The following PRKRA variants were observed in gnomAD, a reference collection of about 807,000 sequenced individuals.
The protein encoded by PRKRA is interferon-inducible double-stranded RNA-dependent protein kinase activator A.
In PRKRA, 22 loss-of-function variants were observed where a neutral mutation model predicts 32.4. The observed-to-expected ratio is 0.68, with a 90% confidence interval of 0.49 to 0.97. PRKRA has a LOEUF of 0.97. Ranked by LOEUF, PRKRA falls within the 50% of genes least tolerant of loss-of-function variation. The pLI is 0.00. For synonymous variants in PRKRA, 139 were observed against 129.8 expected, an observed-to-expected ratio of 1.07 and a Z score of -0.48; for missense variants, 319 against 375.6, an observed-to-expected ratio of 0.85 and a Z score of 1.25.
rs1697617651 is a variant in PRKRA, at chr2:178,451,101, G to A, written c.-71C>T. On this transcript the variant is annotated 5_prime_UTR_variant, in exon 1 of 8. Transcript: ENST00000325748. ...CGACGTGCTCGCTCCCCGGGTCGCT[G>A]GTCCCCGGGAGGAGCTCCAGCGCCG... The A allele has an allele frequency of 2.7e-6, 4 of 1,499,400 alleles. No homozygotes were observed. The highest frequency in any genetic ancestry group is 3.6e-6 in the Non-Finnish European group (4 of 1,122,184). The allele number at this position is 1,499,400 out of a possible 1,614,324, so 92.9% of individuals were successfully genotyped here.
At position 178,441,765 on chromosome 2, in the gene PRKRA, C is replaced by G. The variant is rs964955401; in HGVS notation, c.515-61G>C. 78 of 1,346,214 alleles carry G rather than the reference C, an allele frequency of 5.8e-5. 1 individual carries two copies. Among genetic ancestry groups the G allele is most frequent in the Non-Finnish European group, 7.8e-5 (73 of 936,938 alleles). 83.4% of individuals were successfully genotyped at this position (1,346,214 alleles called of 1,614,324 possible). ...GAAATTAGTGTCCACAGAGGATGATCAAACGTATGAAGTACTGTGTTTAAT... is the reference window on the plus strand; with the variant it reads ...GAAATTAGTGTCCACAGAGGATGATGAAACGTATGAAGTACTGTGTTTAAT... On this transcript the variant is annotated intron_variant, in intron 5 of 7. Transcript: ENST00000325748.
chr2:178,432,813 T>A (rs1477944962), intron 7 of PRKRA, among the ~76,000 whole-genome samples: 2 of 152,244 alleles, frequency 1.3e-5, no homozygotes, highest in African/African-American at 4.8e-5. Context: ...ATTTATGCTG[T>A]TGTCCATTCA....
chr2:178,436,013 A>G (rs781683508), intron 7 of PRKRA, 132 bp downstream of exon 7: 1 of 768,750 alleles, frequency 1.3e-6, no homozygotes, highest in Non-Finnish European at 2.1e-6. Flanking sequence ...CCTAGTAATT[A>G]TATATACTTA....
At chr2:178,433,514 C>G (rs1696754912) in intron 7 of PRKRA, 2 of 152,144 alleles carry the variant, frequency 1.3e-5, no homozygotes, top group Admixed American at 6.5e-5. Flanking sequence ...CCAACACTTG[C>G]TATTTTCCAT....
At chr2:178,440,422 G>C (rs1424434909) in intron 6 of PRKRA, among the ~76,000 whole-genome samples, 1 of 152,118 alleles carries the variant, frequency 6.6e-6, no homozygotes, top group Non-Finnish European at 1.5e-5. Context: ...TATATATCAT[G>C]TGTAGGCCAA....
intron 7 of PRKRA, chr2:178,433,962 T>C (rs1203315092): frequency 1.3e-5 from 2 of 152,190 alleles, no homozygotes. Context: ...AATCTAAAAA[T>C]TTATCTTGGG....
chr2:178,438,481 C>T (rs1696990404), intron 6 of PRKRA, among the ~76,000 whole-genome samples: 1 of 152,172 alleles, frequency 6.6e-6, no homozygotes, highest in Non-Finnish European at 1.5e-5. Flanking sequence ...CGCCTGGATT[C>T]TCTATTCGCT....
At chr2:178,448,085 T>C (rs1272051071) in intron 2 of PRKRA, among the ~76,000 whole-genome samples, 1 of 152,230 alleles carries the variant, frequency 6.6e-6, no homozygotes, top group Non-Finnish European at 1.5e-5. Context: ...ATCAAACTGC[T>C]TTGCTAGGCT....
rs549677714 is a variant in PRKRA at position 178,450,363 on chromosome 2, T to C, written c.114A>G (p.Val38=). ...TGGTCTTCATGCCGTATTCGTGTAA[T>C]ACCTGAATCGGTGTTTTCCCTGGCT... is the stretch of plus-strand genomic sequence containing the variant. ...TAKPGKTPIQ[V]LHEYGMKTKN... The change falls in exon 2 of 8, where the codon GTA becomes GTG. Residue 38 remains valine, a synonymous_variant. Transcript: ENST00000325748. 21 of 1,614,284 alleles carry C rather than the reference T, an allele frequency of 1.3e-5. No individual in the cohort carries two copies. In the East Asian group the frequency reaches 1.8e-4, roughly 14 times the overall value.
Position 178,436,254 on chromosome 2 carries a change from C to T in PRKRA, c.675G>A (p.Lys225=). 6.2e-7 allele frequency: 1 copy of T among 1,613,762 alleles called. No individual in the cohort carries two copies. The highest frequency in any genetic ancestry group is 8.5e-7 in the Non-Finnish European group (1 of 1,179,732). The stretch of plus-strand genomic sequence containing the variant: ...GGAGGCTTCTTTTCAGTAAGTTGAT[C>T]TTTTCACCAGGAGAATTCCTCAAGG... ...WHSLRNSPGE[K]INLLKRSLLS... The change falls in exon 7 of 8, where the codon AAG becomes AAA. Residue 225 remains lysine (K), a synonymous_variant. Coordinates refer to ENST00000325748, the MANE Select transcript of PRKRA (RefSeq NM_003690.5).
At chr2:178,435,898 AG>A (rs1696872522) in intron 7 of PRKRA, among the ~76,000 whole-genome samples, 2 of 152,238 alleles carry the variant, frequency 1.3e-5, no homozygotes, top group Non-Finnish European at 2.9e-5. Flanking sequence ...TCTGGCACAC[AG>A]TAAAACTCTA....
chr2:178,437,056 T>G (rs1173075652), intron 6 of PRKRA, among the ~76,000 whole-genome samples: 2 of 152,286 alleles, frequency 1.3e-5, no homozygotes, highest in East Asian at 3.9e-4. Flanking sequence ...CTGAAGTAAG[T>G]AGGGTTACTA....
At chr2:178,442,074 A>G (rs576128200) in intron 5 of PRKRA, among the ~76,000 whole-genome samples, 1 of 152,000 alleles carries the variant, frequency 6.6e-6, no homozygotes, top group East Asian at 1.9e-4. Context: ...TAGTACAGAC[A>G]GGGTTTTGCC....
intron 5 of PRKRA, among the ~76,000 whole-genome samples, chr2:178,442,052 A>G (rs1575094295): frequency 6.6e-6 from 1 of 151,838 alleles, no homozygotes; most frequent in Admixed American, 6.6e-5. Context: ...CACCTGGCTG[A>G]TTTTTTGTAT....
At chr2:178,447,451 C>CT in intron 3 of PRKRA, 54 bp downstream of exon 3, 5 of 1,307,368 alleles carry the variant, frequency 3.8e-6, no homozygotes, top group Non-Finnish European at 5.0e-6. Flanking sequence ...AATTTTTAAT[C>CT]TTACCTCAGC....
Position 178,432,205 on chromosome 2 carries a change from G to T in PRKRA, c.834C>A (p.Thr278=). 6.2e-7 allele frequency: 1 copy of T among 1,614,216 alleles called. No homozygotes were observed. Among genetic ancestry groups the T allele is most frequent in the Non-Finnish European group, 8.5e-7 (1 of 1,180,042 alleles). The change falls in exon 8 of 8, where the codon ACC becomes ACA. Residue 278 remains threonine, a synonymous_variant. Transcript: ENST00000325748. ...AGCCATGACAGACTGTGATGGGGCT[G>T]GTGGACAGTTCAGCAAGACATTGAT... ...GQYQCLAELS[T]SPITVCHGSG...
chr2:178,446,572 T>C (rs889617639), intron 3 of PRKRA, among the ~76,000 whole-genome samples: 1 of 152,176 alleles, frequency 6.6e-6, no homozygotes, highest in Non-Finnish European at 1.5e-5. Context: ...TACTGTCAAC[T>C]ATAAGCTGAT....
chr2:178,450,821 G>A (rs1001008706), intron 1 of PRKRA, 145 bp downstream of exon 1: 4 of 1,358,524 alleles, frequency 2.9e-6, no homozygotes, highest in Non-Finnish European at 3.8e-6. Flanking sequence ...GCCGCCGAGA[G>A]GGCGGGGCCG....
Position 178,441,594 on chromosome 2 carries a change from T to C in PRKRA, c.609+16A>G. The C allele has an allele frequency of 1.4e-6, 1 of 725,298 alleles. No homozygotes were observed. The highest frequency in any genetic ancestry group is 2.0e-6 in the Non-Finnish European group (1 of 493,848). 44.9% of individuals were successfully genotyped at this position (725,298 alleles called of 1,614,324 possible). A position where few individuals can be genotyped will look rare whatever the true frequency, so the allele number is the denominator to read the frequency against. ...TGCTTAATGACATTAACATCATAGCTGTCAACATTACTCACTAAAGAAATG... is the reference window on the plus strand; with the variant it reads ...TGCTTAATGACATTAACATCATAGCCGTCAACATTACTCACTAAAGAAATG... On this transcript the variant is annotated intron_variant, in intron 6 of 7. Transcript: ENST00000325748.
Sources: allele counts gnomAD v4.1 joint callset (sites outside exome capture counted in the v4.1 genomes callset), GRCh38; gene constraint gnomAD v4.1.1; transcripts MANE v1.5; gene names NCBI Gene and HGNC (gene_info 2026-07-23, HGNC 2026-07-21).